COL4A5: variants seen among roughly 807,000 people sequenced by gnomAD.
The protein encoded by COL4A5 is collagen type IV alpha 5 chain, also known as collagen alpha-5(IV) chain.
A neutral mutation model predicts 130.2 loss-of-function variants in COL4A5; 26 were observed. The ratio of observed to expected loss-of-function variants is 0.20; its 90% CI spans 0.15 to 0.28. COL4A5 has a LOEUF of 0.28. Among genes scored for constraint, COL4A5 ranks in the 10% least tolerant of loss-of-function variants. COL4A5 has a pLI of 1.00. For synonymous variants in COL4A5, 496 were observed against 439.6 expected, an observed-to-expected ratio of 1.13 and a Z score of -1.60; for missense variants, 1,131 against 1,344.3, an observed-to-expected ratio of 0.84 and a Z score of 2.48.
At position 108,692,276 on chromosome X, in the gene COL4A5, T is replaced by A. The variant is rs898425503; in HGVS notation, c.4529-472T>A. Among the ~76,000 whole-genome samples the A allele has an allele frequency of 3.6e-5, 4 of 111,186 alleles. No individual in the cohort carries two copies. In the East Asian group the frequency reaches 1.1e-3, roughly 31 times the overall value. ...TTTTTACGTATTCTTCAAACCTGAC[T>A]GTGGTGGCTGTGCACACTGGCCAGC... On this transcript the variant is annotated intron_variant, in intron 49 of 52. Transcript: ENST00000328300.
intron 1 of COL4A5, among the ~76,000 whole-genome samples, chrX:108,520,823 T>C (rs749284582): frequency 8.9e-6 from 1 of 111,961 alleles, no homozygotes; most frequent in East Asian, 2.8e-4. Flanking sequence ...TGTTTCTCAA[T>C]GTACTTACCT....
At chrX:108,470,397 A>G (rs1168805700) in intron 1 of COL4A5, among the ~76,000 whole-genome samples, 1 of 112,332 alleles carries the variant, frequency 8.9e-6, no homozygotes, top group African/African-American at 3.2e-5. Context: ...TCTAATGATT[A>G]GTGATGTTGA....
chrX:108,495,733 G>A (rs748975327), intron 1 of COL4A5, among the ~76,000 whole-genome samples: 8 of 112,085 alleles, frequency 7.1e-5, no homozygotes, highest in Non-Finnish European at 1.1e-4. Context: ...AGGATGACCC[G>A]TTCTATGGAT....
chrX:108,546,096 C>T (rs28842311), intron 2 of COL4A5, among the ~76,000 whole-genome samples: 42,787 of 110,799 alleles, frequency 0.39, 7,772 homozygotes, highest in East Asian at 0.72. Context: ...TTGGAACATT[C>T]AGCCCATTTA....
chrX:108,471,993 A>G (rs1040135471), intron 1 of COL4A5, among the ~76,000 whole-genome samples: 2 of 111,446 alleles, frequency 1.8e-5, no homozygotes, highest in Admixed American at 1.9e-4. Flanking sequence ...TTTCCTCGTT[A>G]CAATTTCCTT....
chrX:108,472,252 C>T (rs1348989555), intron 1 of COL4A5, among the ~76,000 whole-genome samples: 1 of 110,882 alleles, frequency 9.0e-6, no homozygotes, highest in Non-Finnish European at 1.9e-5. Context: ...TATTTTGTGG[C>T]CGTACATATG....
intron 2 of COL4A5, among the ~76,000 whole-genome samples, chrX:108,548,496 A>G (rs912376605): frequency 1.8e-5 from 2 of 111,350 alleles, no homozygotes; most frequent in Admixed American, 9.6e-5. Flanking sequence ...TCTAATACAA[A>G]TATAAATGGA....
chrX:108,630,405 C>T (rs2067233570), intron 36 of COL4A5, among the ~76,000 whole-genome samples: 1 of 112,102 alleles, frequency 8.9e-6, no homozygotes, highest in South Asian at 3.7e-4. Context: ...TCTCTGATGG[C>T]CAGTGATGAT....
At chrX:108,556,938 G>A in intron 2 of COL4A5, among the ~76,000 whole-genome samples, 1 of 111,215 alleles carries the variant, frequency 9.0e-6, no homozygotes, top group Middle Eastern at 4.6e-3. Context: ...TTTGACTGTA[G>A]TGCAAGGAGA....
intron 2 of COL4A5, among the ~76,000 whole-genome samples, chrX:108,548,897 A>G (rs890768237): frequency 9.0e-6 from 1 of 111,604 alleles, no homozygotes; most frequent in Non-Finnish European, 1.9e-5. Context: ...TTCAAAAATA[A>G]AGGCAGATTT....
chrX:108,550,808 ATAAG>A (rs2065741678), intron 2 of COL4A5, among the ~76,000 whole-genome samples: 2 of 112,199 alleles, frequency 1.8e-5, no homozygotes, highest in African/African-American at 6.5e-5. Context: ...CTTAAAACTT[ATAAG>A]TGAGTTTAGA....
chrX:108,452,027 T>C (rs1188073077), intron 1 of COL4A5, among the ~76,000 whole-genome samples: 1 of 112,221 alleles, frequency 8.9e-6, no homozygotes, highest in Non-Finnish European at 1.9e-5. Flanking sequence ...GGATCCAGTT[T>C]CAGCTTTCTA....
intron 1 of COL4A5, among the ~76,000 whole-genome samples, chrX:108,528,079 A>G (rs1397194564): frequency 8.9e-6 from 1 of 112,049 alleles, no homozygotes; most frequent in African/African-American, 3.2e-5. Flanking sequence ...AGGCCCACTG[A>G]CAACAGCCAA....
intron 17 of COL4A5, 108 bp downstream of exon 17, chrX:108,583,045 A>G (rs1299237599): frequency 6.7e-6 from 4 of 601,352 alleles, no homozygotes; most frequent in Admixed American, 2.4e-5. Context: ...ACTAGCTTTT[A>G]TATTCAAAAT....
chrX:108,546,918 G>A (rs2065667678), intron 2 of COL4A5, among the ~76,000 whole-genome samples: 1 of 112,152 alleles, frequency 8.9e-6, no homozygotes, highest in Admixed American at 9.4e-5. Flanking sequence ...TGAAACTTGT[G>A]CATTCATCAC....
intron 1 of COL4A5, among the ~76,000 whole-genome samples, chrX:108,480,406 T>C (rs2064877629): frequency 8.9e-6 from 1 of 112,864 alleles, no homozygotes; most frequent in Admixed American, 9.3e-5. Context: ...GTCCAATGTG[T>C]TTGCTGTTTC....
At chrX:108,555,834 T>C (rs746889068) in intron 2 of COL4A5, among the ~76,000 whole-genome samples, 1 of 112,052 alleles carries the variant, frequency 8.9e-6, no homozygotes, top group East Asian at 2.8e-4. Context: ...ATAAATGATA[T>C]ATAAACCACT....
At chrX:108,531,104 C>G (rs1477758188) in intron 1 of COL4A5, among the ~76,000 whole-genome samples, 1 of 103,653 alleles carries the variant, frequency 9.6e-6, no homozygotes, top group African/African-American at 3.5e-5. Flanking sequence ...TAAACTATCT[C>G]AAGGACAAAA....
At chrX:108,475,682 T>C (rs1031853807) in intron 1 of COL4A5, among the ~76,000 whole-genome samples, 8 of 110,849 alleles carry the variant, frequency 7.2e-5, no homozygotes, top group African/African-American at 2.6e-4. Context: ...TTTTAATGAG[T>C]AGAAGCTCAC....
Sources: gnomAD v4.1 joint callset for allele counts (sites outside exome capture counted in the v4.1 genomes callset) on GRCh38, gnomAD v4.1.1 for gene constraint, MANE v1.5 for transcripts, NCBI Gene and HGNC (gene_info 2026-07-23, HGNC 2026-07-21) for gene names.